The following BARD1 variants were observed in gnomAD, a reference collection of about 807,000 sequenced individuals.
BARD1 encodes the protein BRCA1-associated RING domain protein 1.
In BARD1, 73 loss-of-function variants were observed where a neutral mutation model predicts 77.0. The observed-to-expected ratio is 0.95, with a 90% CI of 0.79 to 1.15. The LOEUF is 1.15. Among genes scored for constraint, BARD1 ranks in the 50% most tolerant of loss-of-function variants. The pLI, the probability that BARD1 is intolerant of heterozygous loss-of-function variation, is 0.00. For missense variants in BARD1, 993 were observed against 938.8 expected, an observed-to-expected ratio of 1.06 and a Z score of -0.75; for synonymous variants, 384 against 338.0, an observed-to-expected ratio of 1.14 and a Z score of -1.49.
At chr2:214,771,552 A>G (rs1434329671) in intron 4 of BARD1, among the ~76,000 whole-genome samples, 1 of 151,938 alleles carries the variant, frequency 6.6e-6, no homozygotes, top group African/African-American at 2.4e-5. Flanking sequence ...ACATGGTGAA[A>G]TCCCGTCTCT....
In BARD1 at chr2:214,797,054, T is replaced by G. The variant is rs1241658352; in HGVS notation, c.215+7A>C. 6.2e-7 allele frequency: 1 copy of G among 1,604,824 alleles called. No individual in the cohort carries two copies. The highest frequency in any genetic ancestry group is 1.3e-5 in the African/African-American group (1 of 74,664). ...TGTACTATATACATCAAACCGTAATTACTTACCTACAGAAGATGTGCTCAC... is the reference window on the plus strand; with the variant it reads ...TGTACTATATACATCAAACCGTAATGACTTACCTACAGAAGATGTGCTCAC... On this transcript the variant is annotated splice_region_variant and intron_variant, in intron 2 of 10. Coordinates refer to ENST00000260947, the MANE Select transcript of BARD1 (RefSeq NM_000465.4).
At chr2:214,744,566 C>G (rs1693005818) in intron 9 of BARD1, among the ~76,000 whole-genome samples, 1 of 152,124 alleles carries the variant, frequency 6.6e-6, no homozygotes, top group South Asian at 2.1e-4. Flanking sequence ...GACTTTAAAA[C>G]CAGAACATAT....
Position 214,802,492 on chromosome 2 carries a change from C to G in BARD1, c.159-5375G>C, listed in dbSNP as rs138574430. ...AACCCCATCTCAAGTTCAGGAGCATCTGTATTTTAACTTCCTGATTTTCTA... is the reference window on the plus strand; with the variant it reads ...AACCCCATCTCAAGTTCAGGAGCATGTGTATTTTAACTTCCTGATTTTCTA... On this transcript the variant is annotated intron_variant, in intron 1 of 10. Coordinates refer to ENST00000260947, the MANE Select transcript of BARD1 (RefSeq NM_000465.4). 1.2e-3 allele frequency among the ~76,000 whole-genome samples: 188 copies of G among 152,250 alleles called. 1 individual carries two copies. The highest frequency in any genetic ancestry group is 4.3e-3 in the African/African-American group (179 of 41,542).
At chr2:214,745,180 T>G (rs1485937479) in intron 8 of BARD1, 21 bp from the exon 9 acceptor site, 1 of 1,597,742 alleles carries the variant, frequency 6.3e-7, no homozygotes, top group South Asian at 1.1e-5. Context: ...AAAAAAGCAG[T>G]AAGAGAAAGA....
intron 4 of BARD1, among the ~76,000 whole-genome samples, chr2:214,778,562 T>C (rs1574812027): frequency 3.3e-5 from 5 of 152,236 alleles, no homozygotes; most frequent in Admixed American, 3.3e-4. Context: ...ATGCCATCAT[T>C]TTATCCTGAC....
At chr2:214,734,695 T>A (rs1056353634) in intron 9 of BARD1, among the ~76,000 whole-genome samples, 1 of 152,176 alleles carries the variant, frequency 6.6e-6, no homozygotes, top group Non-Finnish European at 1.5e-5. Context: ...CACACACCAA[T>A]ATTTTCTGGT....
intron 3 of BARD1, among the ~76,000 whole-genome samples, chr2:214,783,676 A>G (rs1213240434): frequency 6.6e-6 from 1 of 152,136 alleles, no homozygotes; most frequent in East Asian, 1.9e-4. Flanking sequence ...ATAGATATAT[A>G]GACCAATGGA....
At chr2:214,798,998 T>C (rs560931450) in intron 1 of BARD1, among the ~76,000 whole-genome samples, 42 of 152,194 alleles carry the variant, frequency 2.8e-4, no homozygotes, top group African/African-American at 8.7e-4. Context: ...ATGTCTGTAA[T>C]GCCAACAACT....
At chr2:214,809,247 CAGA>C (rs1696437356) in intron 1 of BARD1, among the ~76,000 whole-genome samples, 162 bp downstream of exon 1, 1 of 152,200 alleles carries the variant, frequency 6.6e-6, no homozygotes, top group East Asian at 1.9e-4. Flanking sequence ...GAATGAGAAG[CAGA>C]AGTTGTTAAT....
intron 3 of BARD1, among the ~76,000 whole-genome samples, chr2:214,790,922 G>A (rs1465855902): frequency 1.3e-5 from 2 of 152,026 alleles, no homozygotes; most frequent in Admixed American, 6.6e-5. Context: ...ACTGACCCTC[G>A]GTATCTATGT....
At position 214,767,583 on chromosome 2, in the gene BARD1, G is replaced by A. The variant is rs1694271621; in HGVS notation, c.1467C>T (p.Thr489=). ...GTGGTGAGTCATTTTGATACCCGGT[G>A]GTGTTCACCAATGCCTTATGCTGGA... ...LLLQHKALVN[T]TGYQNDSPLH... is the part of the protein sequence containing the mutation. Residue 489 remains threonine, a synonymous_variant, in exon 6 of 11, where the codon ACC becomes ACT. Coordinates refer to ENST00000260947, the MANE Select transcript of BARD1 (RefSeq NM_000465.4). The A allele has an allele frequency of 6.2e-7, 1 of 1,613,972 alleles. No homozygotes were observed. Among genetic ancestry groups the A allele is most frequent in the Admixed American group, 1.7e-5 (1 of 60,004 alleles).
intron 7 of BARD1, among the ~76,000 whole-genome samples, chr2:214,751,111 GTGTGTGTATATATATATA>G (rs1194574399): frequency 7.7e-3 from 131 of 16,920 alleles, no homozygotes; most frequent in Admixed American, 0.034. Flanking sequence ...GTGTGTGTGT[GTGTGTGTATATATATATA>G]TATATATATA....
intron 6 of BARD1, among the ~76,000 whole-genome samples, chr2:214,753,988 A>C (rs1374217837): frequency 6.6e-6 from 1 of 152,142 alleles, no homozygotes; most frequent in African/African-American, 2.4e-5. Flanking sequence ...ATTTAAAACA[A>C]AGTGACACAT....
Position 214,780,892 on chromosome 2 carries a change from G to A in BARD1, c.982C>T (p.Leu328Phe), listed in dbSNP as rs1378818781. 7 of 1,614,116 alleles carry A rather than the reference G, an allele frequency of 4.3e-6. No individual in the cohort carries two copies. Among genetic ancestry groups the A allele is most frequent in the Non-Finnish European group, 5.9e-6 (7 of 1,180,000 alleles). The change falls in exon 4 of 11, where the codon CTT becomes TTT. Residue 328 changes from leucine to phenylalanine, a missense_variant. By Grantham distance (22) the Leu-to-Phe change is conservative (BLOSUM62 0). Coordinates refer to ENST00000260947, the MANE Select transcript of BARD1 (RefSeq NM_000465.4). ...NNGKRGHHNR[L>F]SSPISKRCRT... ...CATCTCTTAGAAATGGGACTGGAAA[G>A]TCTATTGTGATGGCCACGTTTTCCA... is the stretch of plus-strand genomic sequence containing the variant.
At chr2:214,734,832 G>A (rs1220024891) in intron 9 of BARD1, among the ~76,000 whole-genome samples, 2 of 152,160 alleles carry the variant, frequency 1.3e-5, no homozygotes, top group East Asian at 3.8e-4. Context: ...CAAAATTACT[G>A]TGATAACAGC....
intron 1 of BARD1, among the ~76,000 whole-genome samples, chr2:214,807,941 A>T (rs1696351494): frequency 6.6e-6 from 1 of 152,230 alleles, no homozygotes; most frequent in Admixed American, 6.5e-5. Context: ...TCCTATTCTC[A>T]GATGACCCAT....
intron 1 of BARD1, among the ~76,000 whole-genome samples, chr2:214,798,625 A>G (rs1280219865): frequency 6.6e-6 from 1 of 152,082 alleles, no homozygotes. Flanking sequence ...CCCAGGCCAG[A>G]GTTAACTATT....
intron 6 of BARD1, among the ~76,000 whole-genome samples, chr2:214,759,189 T>C (rs1321686953): frequency 1.3e-5 from 2 of 152,112 alleles, no homozygotes; most frequent in Non-Finnish European, 2.9e-5. Flanking sequence ...AATTAATAGG[T>C]CCAATGGTCC....
chr2:214,750,019 T>C (rs1033658342), intron 7 of BARD1, among the ~76,000 whole-genome samples: 3 of 152,146 alleles, frequency 2.0e-5, no homozygotes, highest in Non-Finnish European at 4.4e-5. Context: ...AGTATCAAAC[T>C]GTAGCTACCT....
Sources: allele counts gnomAD v4.1 joint callset (sites outside exome capture counted in the v4.1 genomes callset), GRCh38; gene constraint gnomAD v4.1.1; transcripts MANE v1.5; gene names NCBI Gene and HGNC (gene_info 2026-07-23, HGNC 2026-07-21).